The following FSIP1 variants were observed in gnomAD, a reference collection of about 807,000 sequenced individuals.
The protein encoded by FSIP1 is fibrous sheath interacting protein 1, also known as fibrous sheath-interacting protein 1.
In FSIP1, 65 loss-of-function variants were observed where a neutral mutation model predicts 60.9. That is an observed-to-expected ratio of 1.07 (90% CI 0.87 to 1.31). The LOEUF (loss-of-function observed/expected upper bound fraction) is 1.31. Among genes scored for constraint, FSIP1 ranks in the 40% most tolerant of loss-of-function variants. FSIP1 has a pLI of 0.00. For synonymous variants in FSIP1, 209 were observed against 221.2 expected (o/e 0.94, Z 0.49); for missense variants, 675 against 665.5 (o/e 1.01, Z -0.16).
chr15:39,770,957 C>A lies in FSIP1; in HGVS notation c.127-347G>T, dbSNP rs1014210485. Among the ~76,000 whole-genome samples the A allele has an allele frequency of 2.6e-5, 4 of 152,206 alleles. No homozygotes were observed. In the East Asian group the frequency reaches 7.7e-4, roughly 29 times the overall value. ...GGCAGTCAAAGGTCTAATACGACAG[C>A]CACTTGCCACATGTGGCTACAGAAT... On this transcript the variant is annotated intron_variant, in intron 2 of 11. Transcript: ENST00000350221.
chr15:39,709,210 T>C (rs1895397038), intron 10 of FSIP1, among the ~76,000 whole-genome samples: 1 of 152,192 alleles, frequency 6.6e-6, no homozygotes, highest in Non-Finnish European at 1.5e-5. Context: ...AAACAGGATA[T>C]GGGTTTGATC....
chr15:39,676,889 G>A (rs1368189115), intron 10 of FSIP1, among the ~76,000 whole-genome samples: 2 of 152,172 alleles, frequency 1.3e-5, no homozygotes, highest in African/African-American at 4.8e-5. Flanking sequence ...TAAAGAATAC[G>A]CATAAAATTA....
rs140968321 is a variant in FSIP1, at chr15:39,777,940, A to G, written c.-7-1409T>C. Among the ~76,000 whole-genome samples, 56 of 152,328 alleles carry G rather than the reference A, an allele frequency of 3.7e-4. No homozygotes were observed. The East Asian group carries it at 0.011, about 29-fold the overall frequency. ...GGACACAGGAGAAAGCACAAATATA[A>G]ACAACCTGAGGCTTCACCTAGGTAC... On this transcript the variant is annotated intron_variant, in intron 1 of 11. Transcript: ENST00000350221.
intron 6 of FSIP1, among the ~76,000 whole-genome samples, chr15:39,740,829 C>A (rs973840558): frequency 2.6e-5 from 4 of 151,728 alleles, no homozygotes; most frequent in Non-Finnish European, 5.9e-5. Flanking sequence ...GATTAAAATT[C>A]TTTTCAAACA....
chr15:39,670,833 C>T (rs1394417344), intron 10 of FSIP1, among the ~76,000 whole-genome samples: 1 of 152,152 alleles, frequency 6.6e-6, no homozygotes, highest in Non-Finnish European at 1.5e-5. Context: ...CTAAAGGTGT[C>T]GTAAGCACTT....
intron 10 of FSIP1, among the ~76,000 whole-genome samples, chr15:39,660,029 T>C (rs571960145): frequency 4.6e-4 from 70 of 152,280 alleles, no homozygotes; most frequent in South Asian, 1.2e-3. Context: ...TACCCATCCA[T>C]GGGAAAACAG....
chr15:39,654,900 C>CTT (rs1252416580), intron 10 of FSIP1, among the ~76,000 whole-genome samples: 1 of 152,170 alleles, frequency 6.6e-6, no homozygotes, highest in African/African-American at 2.4e-5. Flanking sequence ...TGCCCAGAGG[C>CTT]TTAAAGGCAA....
intron 9 of FSIP1, among the ~76,000 whole-genome samples, chr15:39,716,116 G>GTATTT (rs1895728549): frequency 2.0e-5 from 3 of 152,054 alleles, no homozygotes; most frequent in African/African-American, 7.3e-5. Flanking sequence ...TTTTTTAAAG[G>GTATTT]AAATCTAATG....
intron 10 of FSIP1, among the ~76,000 whole-genome samples, chr15:39,700,148 C>T (rs1158755476): frequency 1.3e-5 from 2 of 152,148 alleles, no homozygotes; most frequent in African/African-American, 2.4e-5. Context: ...AATTCTGTTC[C>T]CTGTAATGGC....
In FSIP1 at chr15:39,776,678, C is replaced by G. The variant is rs1566923643; in HGVS notation, c.-7-147G>C. On this transcript the variant is annotated intron_variant, in intron 1 of 11. Transcript: ENST00000350221. ...ACACTTAAGGGTTCCCCAGCTTCAC[C>G]AAAAGACATCTTGTGTACATGGATT... The G allele has an allele frequency of 4.5e-6, 3 of 670,130 alleles. No individual in the cohort carries two copies. The East Asian group carries it at 8.2e-5, about 18-fold the overall frequency. 41.5% of individuals were successfully genotyped at this position (670,130 alleles called of 1,614,324 possible).
chr15:39,725,162 C>T (rs1479600861), intron 9 of FSIP1, among the ~76,000 whole-genome samples: 3 of 152,256 alleles, frequency 2.0e-5, no homozygotes, highest in African/African-American at 4.8e-5. Context: ...ACCCAGGAGG[C>T]GGAGCTTGCA....
At chr15:39,674,474 G>C (rs954376305) in intron 10 of FSIP1, among the ~76,000 whole-genome samples, 10 of 151,976 alleles carry the variant, frequency 6.6e-5, no homozygotes, top group African/African-American at 2.4e-4. Flanking sequence ...AGCAAGGAGG[G>C]GACCTGCACC....
At position 39,708,014 on chromosome 15, in the gene FSIP1, T is replaced by C. The variant is rs1171367107; in HGVS notation, c.1188+5430A>G. ...AGACAAACATCACTGGTATGGGAAATGATGGAGAGACTGTCTGTGGGGGCT... is the reference window on the plus strand; with the variant it reads ...AGACAAACATCACTGGTATGGGAAACGATGGAGAGACTGTCTGTGGGGGCT... On this transcript the variant is annotated intron_variant, in intron 10 of 11. Transcript: ENST00000350221. Among the ~76,000 whole-genome samples, 3 of 152,180 alleles carry C rather than the reference T, an allele frequency of 2.0e-5. No individual in the cohort carries two copies. The East Asian group carries it at 5.8e-4, about 29-fold the overall frequency.
intron 2 of FSIP1, among the ~76,000 whole-genome samples, chr15:39,772,741 C>T (rs1338076152): frequency 6.6e-6 from 1 of 152,070 alleles, no homozygotes; most frequent in African/African-American, 2.4e-5. Context: ...CAGGCACCCA[C>T]CACCACACCC....
chr15:39,767,241 T>C (rs750496068), intron 3 of FSIP1, among the ~76,000 whole-genome samples: 1 of 152,228 alleles, frequency 6.6e-6, no homozygotes, highest in Non-Finnish European at 1.5e-5. Context: ...ATCTTATTGC[T>C]TATGTACTTC....
intron 9 of FSIP1, among the ~76,000 whole-genome samples, chr15:39,724,765 C>G (rs1398265533): frequency 1.3e-5 from 2 of 152,210 alleles, no homozygotes; most frequent in Admixed American, 1.3e-4. Flanking sequence ...TTTAAGACCA[C>G]AGTTCAGCTC....
chr15:39,631,835 A>G (rs1374291290), intron 10 of FSIP1, among the ~76,000 whole-genome samples: 4 of 152,256 alleles, frequency 2.6e-5, no homozygotes, highest in African/African-American at 9.6e-5. Flanking sequence ...TCTGTTCATA[A>G]GTATTTACAG....
rs1203906623 is a variant in FSIP1 at position 39,738,205 on chromosome 15, C to CAGAATT, written c.781-10_781-5dup. 6.3e-7 allele frequency: 1 copy of CAGAATT among 1,578,068 alleles called. No individual in the cohort carries two copies. Among genetic ancestry groups the CAGAATT allele is most frequent in the African/African-American group, 1.4e-5 (1 of 73,608 alleles). On this transcript the variant is annotated splice_region_variant and splice_polypyrimidine_tract_variant and intron_variant, in intron 7 of 11. Transcript: ENST00000350221. ...GGTTTCTTGATTCCTTGGCCAACTA[C>CAGAATT]AGAATTTATTAATGGAAAATATCAT...
intron 10 of FSIP1, among the ~76,000 whole-genome samples, chr15:39,644,189 C>G (rs1185457824): frequency 2.0e-5 from 3 of 152,244 alleles, no homozygotes; most frequent in East Asian, 1.9e-4. Context: ...AACACACCTC[C>G]CTCCTGAAAT....
Sources: allele counts gnomAD v4.1 joint callset (sites outside exome capture counted in the v4.1 genomes callset), GRCh38; gene constraint gnomAD v4.1.1; transcripts MANE v1.5; gene names NCBI Gene and HGNC (gene_info 2026-07-23, HGNC 2026-07-21).